COX19: variants seen among roughly 807,000 people sequenced by gnomAD.
COX19 encodes cytochrome c oxidase assembly protein COX19.
COX19 carries 8 observed loss-of-function variants against 6.8 expected under a neutral mutation model. The observed-to-expected ratio is 1.18, with a 90% CI of 0.69 to 2.12. The LOEUF (loss-of-function observed/expected upper bound fraction) is 2.12. Ranked by LOEUF, COX19 falls within the 30% of genes most tolerant of loss-of-function variation. The probability of loss-of-function intolerance (pLI) is 0.00; values close to 1 mark genes in which losing one functional copy is unlikely to be tolerated. For synonymous variants in COX19, 51 were observed against 38.0 expected, an observed-to-expected ratio of 1.34 and a Z score of -1.26; for missense variants, 131 against 104.6, an observed-to-expected ratio of 1.25 and a Z score of -1.10.
Position 969,438 on chromosome 7 carries a change from T to C in COX19, c.213A>G (p.Glu71=). ...CRMERKLMLQ[E]PLEKLGFGDL... Reference sequence around the variant, plus strand: ...CTCCAAATCCCAGTTTCTCCAATGGTTCTTGTAGCATCAATTTTCTAAAAG... The same window carrying C: ...CTCCAAATCCCAGTTTCTCCAATGGCTCTTGTAGCATCAATTTTCTAAAAG... The change falls in exon 3 of 3, where the codon GAA becomes GAG. Residue 71 remains glutamate, a synonymous_variant. Transcript: ENST00000344111. The C allele has an allele frequency of 1.2e-6, 2 of 1,609,136 alleles. No individual in the cohort carries two copies. Among genetic ancestry groups the C allele is most frequent in the Non-Finnish European group, 1.7e-6 (2 of 1,175,646 alleles).
In COX19 at chr7:965,619, ACAC is replaced by A. The variant is rs1240143619; in HGVS notation, c.*3756_*3758del. Reference sequence around the variant, plus strand: ...TCTCAAGACAGCAGACACCTGCTTCACACCACACGTCACCACTCACTTCATGGC... The same window carrying A: ...TCTCAAGACAGCAGACACCTGCTTCACACACGTCACCACTCACTTCATGGC... On this transcript the variant is annotated 3_prime_UTR_variant, in exon 3 of 3. Transcript: ENST00000344111. Among the ~76,000 whole-genome samples the A allele has an allele frequency of 2.0e-5, 3 of 151,908 alleles. No homozygotes were observed. The highest frequency in any genetic ancestry group is 4.4e-5 in the Non-Finnish European group (3 of 67,992).
rs1415812213 is a variant in COX19 at position 975,464 on chromosome 7, G to A, written c.46C>T (p.Pro16Ser). 11 of 1,601,750 alleles carry A rather than the reference G, an allele frequency of 6.9e-6. No homozygotes were observed. The highest frequency in any genetic ancestry group is 2.3e-5 in the East Asian group (1 of 43,412). Reference protein sequence around the residue: ...NFGTKSFQPRPPDKGSFPLDH... With the variant: ...NFGTKSFQPRSPDKGSFPLDH... ...AGCGGGAAGCTGCCCTTGTCCGGGGGCCGCGGCTGGAAGCTCTTGGTCCCG... is the reference window on the plus strand; with the variant it reads ...AGCGGGAAGCTGCCCTTGTCCGGGGACCGCGGCTGGAAGCTCTTGGTCCCG... The change falls in exon 1 of 3, where the codon CCC (proline) becomes TCC (serine). Residue 16 changes from proline (P) to serine (S), a missense_variant. Physicochemically the swap from Pro to Ser is moderately conservative, Grantham distance 74. Transcript: ENST00000344111.
chr7:969,601 C>T (rs1457832324), intron 2 of COX19, 145 bp from the exon 3 acceptor site: 18 of 675,662 alleles, frequency 2.7e-5, no homozygotes, highest in South Asian at 1.4e-4. Context: ...CCTCGGCCCC[C>T]GTGGCTGGTG....
In COX19 at chr7:975,518, C is replaced by T. The variant is rs535786468; in HGVS notation, c.-9G>A. The T allele has an allele frequency of 3.8e-6, 6 of 1,599,136 alleles. No homozygotes were observed. In the East Asian group the frequency reaches 1.2e-4, roughly 31 times the overall value. ...TTCATGGCGGTCGACATGTTGGCGA[C>T]TCCGGAGTCTGCGAGCGCCTTGCGA... On this transcript the variant is annotated 5_prime_UTR_variant, in exon 1 of 3. Coordinates refer to ENST00000344111, the MANE Select transcript of COX19 (RefSeq NM_001031617.3).
At position 969,107 on chromosome 7, in the gene COX19, C is replaced by T. The variant is rs960061483; in HGVS notation, c.*271G>A. On this transcript the variant is annotated 3_prime_UTR_variant, in exon 3 of 3. Coordinates refer to ENST00000344111, the MANE Select transcript of COX19 (RefSeq NM_001031617.3). ...ACCGCCCCATACAAGAGGGCCCCGG[C>T]CTCGAAGACAAGGGTCTTGCCCCAC... 6 of 386,758 alleles carry T rather than the reference C, an allele frequency of 1.6e-5. No individual in the cohort carries two copies. Among genetic ancestry groups the T allele is most frequent in the Non-Finnish European group, 2.8e-5 (6 of 214,404 alleles). 24.0% of individuals were successfully genotyped at this position (386,758 alleles called of 1,614,324 possible). A position where few individuals can be genotyped will look rare whatever the true frequency, so the allele number is the denominator to read the frequency against.
chr7:973,273 T>C lies in COX19; in HGVS notation c.102A>G (p.Lys34=). The C allele has an allele frequency of 6.3e-7, 1 of 1,594,998 alleles. No homozygotes were observed. The highest frequency in any genetic ancestry group is 8.5e-7 in the Non-Finnish European group (1 of 1,172,866). Reference sequence around the variant, plus strand: ...TATGAAGACACTTCATGAATTTCTCTTTAAAGCTTTTACATTCACCTAGAA... The same window carrying C: ...TATGAAGACACTTCATGAATTTCTCCTTAAAGCTTTTACATTCACCTAGAA... ...LDHLGECKSF[K]EKFMKCLHNN... Residue 34 remains lysine (K), a synonymous_variant, in exon 2 of 3, where the codon AAA becomes AAG. Coordinates refer to ENST00000344111, the MANE Select transcript of COX19 (RefSeq NM_001031617.3).
chr7:975,473 G>T lies in COX19; in HGVS notation c.37C>A (p.Gln13Lys), dbSNP rs150428640. ...CTGCCCTTGTCCGGGGGCCGCGGCT[G>T]GAAGCTCTTGGTCCCGAAATTCATG... ...TAMNFGTKSF[Q>K]PRPPDKGSFP... The change falls in exon 1 of 3, where the codon CAG (glutamine) becomes AAG (lysine). Residue 13 changes from glutamine to lysine, a missense_variant. Gln to Lys is a moderately conservative substitution (Grantham distance 53, BLOSUM62 1). Coordinates refer to ENST00000344111, the MANE Select transcript of COX19 (RefSeq NM_001031617.3). 964 of 1,603,234 alleles carry T rather than the reference G, an allele frequency of 6.0e-4. 7 individuals are homozygous for T. The African/African-American group carries it at 0.011, about 19-fold the overall frequency.
In COX19 at chr7:969,357, C is replaced by T. The variant is rs1055400313; in HGVS notation, c.*21G>A. 2.0e-6 allele frequency: 3 copies of T among 1,516,548 alleles called. No homozygotes were observed. The highest frequency in any genetic ancestry group is 2.7e-6 in the Non-Finnish European group (3 of 1,092,046). 93.9% of individuals were successfully genotyped at this position (1,516,548 alleles called of 1,614,324 possible). On this transcript the variant is annotated 3_prime_UTR_variant, in exon 3 of 3. Coordinates refer to ENST00000344111, the MANE Select transcript of COX19 (RefSeq NM_001031617.3). ...TCCTGAGAGACCACTGAACACGGCC[C>T]AGGGGTCTTCTCATCAAAATTCATT...
At chr7:975,182 G>A (rs545492063) in intron 1 of COX19, 119 of 425,650 alleles carry the variant, frequency 2.8e-4, no homozygotes, top group African/African-American at 2.3e-3. Flanking sequence ...CCGGAGACCC[G>A]GAAGCCTGAC....
intron 1 of COX19, among the ~76,000 whole-genome samples, chr7:974,034 A>G (rs947479559): frequency 4.6e-5 from 7 of 151,454 alleles, no homozygotes; most frequent in African/African-American, 1.7e-4. Flanking sequence ...TAAAAAATAA[A>G]AAAACAATAA....
rs1383745197 is a variant in COX19, at chr7:966,590, C to T, written c.*2788G>A. 1 of 152,374 alleles carries T rather than the reference C, an allele frequency of 6.6e-6. No individual in the cohort carries two copies. The highest frequency in any genetic ancestry group is 1.9e-4 in the East Asian group (1 of 5,190). The allele number at this position is 152,374 out of a possible 1,614,324, so 9.4% of individuals were successfully genotyped here. On this transcript the variant is annotated 3_prime_UTR_variant, in exon 3 of 3. Coordinates refer to ENST00000344111, the MANE Select transcript of COX19 (RefSeq NM_001031617.3). ...CATCTGATACCTTCTCTGGCCTGGCCCTGGTTCCTTTTGGTTACAGAATGG... is the reference window on the plus strand; with the variant it reads ...CATCTGATACCTTCTCTGGCCTGGCTCTGGTTCCTTTTGGTTACAGAATGG...
At position 965,465 on chromosome 7, in the gene COX19, G is replaced by C. The variant is rs1425338601; in HGVS notation, c.*3913C>G. Among the ~76,000 whole-genome samples, 2 of 152,210 alleles carry C rather than the reference G, an allele frequency of 1.3e-5. No individual in the cohort carries two copies. Among genetic ancestry groups the C allele is most frequent in the South Asian group, 4.1e-4 (2 of 4,834 alleles). On this transcript the variant is annotated 3_prime_UTR_variant, in exon 3 of 3. Transcript: ENST00000344111. Reference sequence around the variant, plus strand: ...CCAGAGGTGATACCGTGCCCTCAGGGACGCCCCCAGGTCGGTGCGGCCTGT... The same window carrying C: ...CCAGAGGTGATACCGTGCCCTCAGGCACGCCCCCAGGTCGGTGCGGCCTGT...
Position 969,303 on chromosome 7 carries a change from C to A in COX19, c.*75G>T. On this transcript the variant is annotated 3_prime_UTR_variant, in exon 3 of 3. Transcript: ENST00000344111. ...AAGGACACCACACGCAGGCCTCAGC[C>A]AACCTAAGAGGCAGGATGATGCCCT... 1 of 952,234 alleles carries A rather than the reference C, an allele frequency of 1.1e-6. No individual in the cohort carries two copies. Among genetic ancestry groups the A allele is most frequent in the South Asian group, 1.3e-5 (1 of 76,196 alleles). The allele number at this position is 952,234 out of a possible 1,614,324, so 59.0% of individuals were successfully genotyped here.
rs556488147 is a variant in COX19, at chr7:966,700, C to G, written c.*2678G>C. On this transcript the variant is annotated 3_prime_UTR_variant, in exon 3 of 3. Transcript: ENST00000344111. ...AGCATTTGTGCACAGCCCCTCACAACAGTCCCCCTTACACACGGTTTCAGT... is the reference window on the plus strand; with the variant it reads ...AGCATTTGTGCACAGCCCCTCACAAGAGTCCCCCTTACACACGGTTTCAGT... The G allele has an allele frequency of 1.3e-5, 2 of 152,328 alleles. No individual in the cohort carries two copies. The highest frequency in any genetic ancestry group is 1.3e-4 in the Admixed American group (2 of 15,284). The allele number at this position is 152,328 out of a possible 1,614,324, so 9.4% of individuals were successfully genotyped here.
Position 966,601 on chromosome 7 carries a change from TTGGTTACAGAA to T in COX19, c.*2766_*2776del, listed in dbSNP as rs1474839113. ...TTCTCTGGCCTGGCCCTGGTTCCTT[TTGGTTACAGAA>T]TGGTATCAGGGCCAAGACCCTGAGT... On this transcript the variant is annotated 3_prime_UTR_variant, in exon 3 of 3. Coordinates refer to ENST00000344111, the MANE Select transcript of COX19 (RefSeq NM_001031617.3). 3 of 152,244 alleles carry T rather than the reference TTGGTTACAGAA, an allele frequency of 2.0e-5. No homozygotes were observed. Among genetic ancestry groups the T allele is most frequent in the Non-Finnish European group, 4.4e-5 (3 of 68,074 alleles). 9.4% of individuals were successfully genotyped at this position (152,244 alleles called of 1,614,324 possible). A position where few individuals can be genotyped will look rare whatever the true frequency, so the allele number is the denominator to read the frequency against.
chr7:975,389 C>G (rs1257763864), intron 1 of COX19, 39 bp downstream of exon 1: 2 of 1,498,812 alleles, frequency 1.3e-6, no homozygotes, highest in Admixed American at 1.9e-5. Context: ...CCCAGACCCC[C>G]CATCGCAGAC....
chr7:969,951 C>T (rs1847612691), intron 2 of COX19, among the ~76,000 whole-genome samples: 1 of 141,886 alleles, frequency 7.0e-6, no homozygotes, highest in Admixed American at 7.5e-5. Context: ...CGACAGTTAT[C>T]TGATATTTTT....
chr7:972,653 A>G (rs1486794292), intron 2 of COX19: 2 of 152,244 alleles, frequency 1.3e-5, no homozygotes, highest in African/African-American at 2.4e-5. Flanking sequence ...CATAGCTACG[A>G]ACGCGTTTGT....
chr7:972,633 C>G (rs1034554717), intron 2 of COX19: 2 of 152,168 alleles, frequency 1.3e-5, no homozygotes, highest in African/African-American at 2.4e-5. Context: ...TAAGTAAAAG[C>G]TGTGGGGATC....
Sources: gnomAD v4.1 joint callset for allele counts (sites outside exome capture counted in the v4.1 genomes callset) on GRCh38, gnomAD v4.1.1 for gene constraint, MANE v1.5 for transcripts, NCBI Gene and HGNC (gene_info 2026-07-23, HGNC 2026-07-21) for gene names.